The following THAP9 variants were observed in gnomAD, a reference collection of about 807,000 sequenced individuals.
THAP9 encodes DNA transposase THAP9.
In THAP9, 20 loss-of-function variants were observed where a neutral mutation model predicts 35.7. The ratio of observed to expected loss-of-function variants is 0.56; its 90% confidence interval spans 0.39 to 0.81. THAP9 has a LOEUF of 0.81. Among genes scored for constraint, THAP9 ranks in the 40% least tolerant of loss-of-function variants. THAP9 has a pLI of 0.00. For missense variants in THAP9, 870 were observed against 1,047.4 expected (o/e 0.83, Z 2.34); for synonymous variants, 335 against 373.7 (o/e 0.90, Z 1.19).
At chr4:82,914,151 G>T (rs1720962614) in intron 4 of THAP9, among the ~76,000 whole-genome samples, 1 of 152,224 alleles carries the variant, frequency 6.6e-6, no homozygotes, top group Non-Finnish European at 1.5e-5. Context: ...TGCTGCAAAA[G>T]ACATGATCTC....
chr4:82,901,128 T>TA lies in THAP9; in HGVS notation c.80+247dup, dbSNP rs1194242100. 52 of 688,570 alleles carry TA rather than the reference T, an allele frequency of 7.6e-5. No individual in the cohort carries two copies. In the East Asian group the frequency reaches 1.4e-3, roughly 18 times the overall value. 42.7% of individuals were successfully genotyped at this position (688,570 alleles called of 1,614,324 possible). A position where few individuals can be genotyped will look rare whatever the true frequency, so the allele number is the denominator to read the frequency against. ...CACCGCCTACCGCTTTAAGGAGAGT[T>TA]ACGCGAAAGGAGTCCTCCATTAATT... On this transcript the variant is annotated intron_variant, in intron 1 of 4. Coordinates refer to ENST00000302236, the MANE Select transcript of THAP9 (RefSeq NM_024672.6).
rs187176937 is a variant in THAP9 at position 82,914,035 on chromosome 4, C to T, written c.732-2909C>T. Among the ~76,000 whole-genome samples, 4 of 152,284 alleles carry T rather than the reference C, an allele frequency of 2.6e-5. No individual in the cohort carries two copies. The East Asian group carries it at 7.7e-4, about 29-fold the overall frequency. ...TACAGGCATCAGCCACCGTGCCCAG[C>T]CAGGTTTTCATCATTTAGCTCCCAC... On this transcript the variant is annotated intron_variant, in intron 4 of 4. Coordinates refer to ENST00000302236, the MANE Select transcript of THAP9 (RefSeq NM_024672.6).
chr4:82,901,407 C>T (rs1358240681), intron 1 of THAP9, among the ~76,000 whole-genome samples: 1 of 152,156 alleles, frequency 6.6e-6, no homozygotes. Flanking sequence ...CTTATCTGAA[C>T]TCATATCCAT....
intron 2 of THAP9, among the ~76,000 whole-genome samples, chr4:82,905,294 T>C (rs1310937995): frequency 6.6e-6 from 1 of 152,198 alleles, no homozygotes; most frequent in Non-Finnish European, 1.5e-5. Context: ...AATAATGTTA[T>C]TTATCTTGAT....
chr4:82,911,009 G>C (rs186747194), intron 4 of THAP9, among the ~76,000 whole-genome samples: 1 of 152,254 alleles, frequency 6.6e-6, no homozygotes, highest in South Asian at 2.1e-4. Flanking sequence ...AGCAGAGAAG[G>C]GTCTGTAGGT....
In THAP9 at chr4:82,919,035, A is replaced by G. The variant is rs1721150006; in HGVS notation, c.*111A>G. ...CATTCTGCACAGTGGACAAGTTTGC[A>G]ATTCTGACTTATTAAAATTTCAAAT... On this transcript the variant is annotated 3_prime_UTR_variant, in exon 5 of 5. Coordinates refer to ENST00000302236, the MANE Select transcript of THAP9 (RefSeq NM_024672.6). 9.4e-6 allele frequency: 8 copies of G among 847,698 alleles called. No individual in the cohort carries two copies. Among genetic ancestry groups the G allele is most frequent in the Non-Finnish European group, 1.2e-5 (7 of 566,934 alleles). 52.5% of individuals were successfully genotyped at this position (847,698 alleles called of 1,614,324 possible).
intron 1 of THAP9, among the ~76,000 whole-genome samples, chr4:82,904,059 T>G (rs112955447): frequency 3.6e-3 from 2 of 552 alleles, no homozygotes; most frequent in Admixed American, 0.036. Context: ...AGGCTCCCCC[T>G]TTTTTTTTTT....
chr4:82,906,146 A>G (rs1421779583), intron 2 of THAP9, among the ~76,000 whole-genome samples, 178 bp from the exon 3 acceptor site: 1 of 151,894 alleles, frequency 6.6e-6, no homozygotes, highest in African/African-American at 2.4e-5. Flanking sequence ...CAAAAAAAAA[A>G]AGCCTGTTTA....
rs372925161 is a variant in THAP9 at position 82,918,755 on chromosome 4, C to T, written c.2543C>T (p.Ala848Val). Residue 848 changes from alanine (A) to valine (V), a missense_variant, in exon 5 of 5, where the codon GCT becomes GTT. By Grantham distance (64) the Ala-to-Val change is moderately conservative (BLOSUM62 0). Coordinates refer to ENST00000302236, the MANE Select transcript of THAP9 (RefSeq NM_024672.6). The stretch of plus-strand genomic sequence containing the variant: ...ATAATCTGTTTCTTAAATATCAGAG[C>T]TAAAAATGTTGCACAGAATCCTTTA... ...DIIICFLNIR[A>V]KNVAQNPLKH... The T allele has an allele frequency of 6.2e-7, 1 of 1,613,648 alleles. No individual in the cohort carries two copies. The highest frequency in any genetic ancestry group is 1.3e-5 in the African/African-American group (1 of 74,880).
intron 4 of THAP9, among the ~76,000 whole-genome samples, chr4:82,911,451 G>C (rs532227896): frequency 6.6e-6 from 1 of 151,986 alleles, no homozygotes; most frequent in Non-Finnish European, 1.5e-5. Context: ...AAAATTAGCC[G>C]GGCATGGTGG....
intron 1 of THAP9, among the ~76,000 whole-genome samples, chr4:82,903,212 A>G (rs1305350188): frequency 6.6e-6 from 1 of 152,202 alleles, no homozygotes; most frequent in Non-Finnish European, 1.5e-5. Flanking sequence ...TATTGTGTTA[A>G]TTTCACAAGT....
intron 1 of THAP9, among the ~76,000 whole-genome samples, chr4:82,902,161 A>T (rs1720438570): frequency 8.3e-6 from 1 of 120,900 alleles, no homozygotes; most frequent in Non-Finnish European, 1.6e-5. Context: ...CAGGCTGGAG[A>T]GCAGTGGCAC....
intron 4 of THAP9, among the ~76,000 whole-genome samples, chr4:82,915,788 T>G (rs2126016627): frequency 6.6e-6 from 1 of 152,264 alleles, no homozygotes; most frequent in South Asian, 2.1e-4. Flanking sequence ...AAGTTGGCTG[T>G]CTGTATATGC....
At chr4:82,915,996 G>A (rs1417704506) in intron 4 of THAP9, among the ~76,000 whole-genome samples, 2 of 152,156 alleles carry the variant, frequency 1.3e-5, no homozygotes, top group African/African-American at 4.8e-5. Flanking sequence ...TATTTGGAAA[G>A]CCCTATCCCA....
intron 4 of THAP9, among the ~76,000 whole-genome samples, chr4:82,908,916 T>C (rs1720759515): frequency 6.6e-6 from 1 of 151,598 alleles, no homozygotes; most frequent in Admixed American, 6.6e-5. Flanking sequence ...GATTCCTTTT[T>C]TTTTTTGAGA....
intron 4 of THAP9, among the ~76,000 whole-genome samples, chr4:82,916,458 G>A (rs757426387): frequency 6.6e-6 from 1 of 152,174 alleles, no homozygotes; most frequent in Admixed American, 6.5e-5. Flanking sequence ...TGGGCATCAG[G>A]AAAGCCAGGT....
At chr4:82,910,045 T>A (rs1191251057) in intron 4 of THAP9, 1 of 152,188 alleles carries the variant, frequency 6.6e-6, no homozygotes, top group Non-Finnish European at 1.5e-5. Flanking sequence ...ATGGTTTATA[T>A]AAGAGATTTC....
At position 82,907,947 on chromosome 4, in the gene THAP9, A is replaced by G; in HGVS notation, c.731+12A>G. The stretch of plus-strand genomic sequence containing the variant: ...TCCATCCTCAGAACGTAAGTGAATT[A>G]TTTTTTTATTTTTTAAAAGTGACTT... On this transcript the variant is annotated intron_variant, in intron 4 of 4. Transcript: ENST00000302236. 1.2e-6 allele frequency: 2 copies of G among 1,603,674 alleles called. No homozygotes were observed. The highest frequency in any genetic ancestry group is 2.3e-5 in the South Asian group (2 of 88,162).
At position 82,912,361 on chromosome 4, in the gene THAP9, G is replaced by A. The variant is rs111785552; in HGVS notation, c.731+4426G>A. Among the ~76,000 whole-genome samples the A allele has an allele frequency of 7.2e-3, 1,096 of 152,190 alleles. 15 individuals carry two copies. The highest frequency in any genetic ancestry group is 0.01 in the Middle Eastern group (3 of 294). ...TTTAGTAAACCAACTCCCTCTATAG[G>A]TTACCTGCTGTGAGAGAATCAAAAG... On this transcript the variant is annotated intron_variant, in intron 4 of 4. Coordinates refer to ENST00000302236, the MANE Select transcript of THAP9 (RefSeq NM_024672.6).
Sources: allele counts gnomAD v4.1 joint callset (sites outside exome capture counted in the v4.1 genomes callset), GRCh38; gene constraint gnomAD v4.1.1; transcripts MANE v1.5; gene names NCBI Gene and HGNC (gene_info 2026-07-23, HGNC 2026-07-21).